IL1RAPL2: variants seen among roughly 807,000 people sequenced by gnomAD.
IL1RAPL2 encodes interleukin 1 receptor accessory protein like 2.
A neutral mutation model predicts 44.1 loss-of-function variants in IL1RAPL2; 3 were observed. That is an observed-to-expected ratio of 0.07 (90% CI 0.03 to 0.18). The LOEUF is 0.18. IL1RAPL2 is among the 10% of genes least tolerant of loss of function. The pLI, the probability that IL1RAPL2 is intolerant of heterozygous loss-of-function variation, is 1.00. For synonymous variants in IL1RAPL2, 181 were observed against 178.8 expected, an observed-to-expected ratio of 1.01 and a Z score of -0.10; for missense variants, 391 against 496.4, an observed-to-expected ratio of 0.79 and a Z score of 2.02.
chrX:104,872,390 A>G (rs1922789792), intron 2 of IL1RAPL2, among the ~76,000 whole-genome samples: 1 of 111,763 alleles, frequency 8.9e-6, no homozygotes, highest in African/African-American at 3.3e-5. Flanking sequence ...AAAACCCATG[A>G]ACATGTGCAC....
chrX:104,648,937 CCTT>C (rs747519716), intron 1 of IL1RAPL2, among the ~76,000 whole-genome samples: 3 of 111,303 alleles, frequency 2.7e-5, no homozygotes, highest in Non-Finnish European at 5.7e-5. Flanking sequence ...ACTTGCTTCT[CCTT>C]GCATTCTCTC....
At chrX:105,428,311 T>C (rs190808680) in intron 5 of IL1RAPL2, among the ~76,000 whole-genome samples, 15 of 111,953 alleles carry the variant, frequency 1.3e-4, no homozygotes, top group African/African-American at 4.5e-4. Context: ...TTTTTCTCTG[T>C]TGAAACTAAA....
At chrX:105,252,345 A>T (rs2034276858) in intron 4 of IL1RAPL2, among the ~76,000 whole-genome samples, 1 of 111,594 alleles carries the variant, frequency 9.0e-6, no homozygotes, top group Non-Finnish European at 1.9e-5. Flanking sequence ...GACCATTTGG[A>T]TTGTTGCCAT....
chrX:105,628,070 T>G (rs1056573138), intron 6 of IL1RAPL2, among the ~76,000 whole-genome samples: 1 of 111,745 alleles, frequency 8.9e-6, no homozygotes, highest in African/African-American at 3.2e-5. Context: ...ATTCTCCAGG[T>G]GCTAAGTGTG....
At chrX:104,661,667 A>C (rs1185307523) in intron 2 of IL1RAPL2, among the ~76,000 whole-genome samples, 4 of 110,274 alleles carry the variant, frequency 3.6e-5, no homozygotes, top group African/African-American at 1.3e-4. Context: ...TCATAGTGCT[A>C]TTTGAGTTAC....
chrX:105,171,929 G>A (rs1233784878), intron 2 of IL1RAPL2, among the ~76,000 whole-genome samples: 1 of 112,039 alleles, frequency 8.9e-6, no homozygotes, highest in Non-Finnish European at 1.9e-5. Context: ...CTTTCCAGAG[G>A]AGTCACGATG....
intron 5 of IL1RAPL2, among the ~76,000 whole-genome samples, chrX:105,288,020 G>A (rs1452325020): frequency 1.8e-5 from 2 of 111,330 alleles, no homozygotes; most frequent in African/African-American, 3.3e-5. Flanking sequence ...GAGTGCTATG[G>A]AAGCCCAGAG....
intron 2 of IL1RAPL2, among the ~76,000 whole-genome samples, chrX:105,115,086 G>A (rs868303916): frequency 1.8e-5 from 2 of 111,268 alleles, no homozygotes; most frequent in Admixed American, 1.9e-4. Flanking sequence ...GCAGACCCCC[G>A]CGGTGAGTGT....
chrX:105,115,312 G>A (rs1183533448), intron 2 of IL1RAPL2, among the ~76,000 whole-genome samples: 1 of 111,736 alleles, frequency 8.9e-6, no homozygotes, highest in Non-Finnish European at 1.9e-5. Flanking sequence ...AGATTCCACA[G>A]TGTGGACGGG....
intron 6 of IL1RAPL2, among the ~76,000 whole-genome samples, chrX:105,682,229 G>GA (rs763612115): frequency 2.7e-5 from 3 of 111,556 alleles, no homozygotes; most frequent in Admixed American, 9.5e-5. Context: ...CCTTTACAGA[G>GA]AAAAAATCTT....
chrX:104,658,554 T>C (rs1320946880), intron 1 of IL1RAPL2, among the ~76,000 whole-genome samples: 1 of 112,324 alleles, frequency 8.9e-6, no homozygotes, highest in Non-Finnish European at 1.9e-5. Context: ...ACATGGCACA[T>C]GTATACCTAT....
intron 6 of IL1RAPL2, among the ~76,000 whole-genome samples, chrX:105,616,139 A>T (rs2037375205): frequency 1.8e-5 from 2 of 112,134 alleles, no homozygotes; most frequent in African/African-American, 6.5e-5. Context: ...TAAGAAATAC[A>T]TACTAAAGTC....
At chrX:104,906,517 G>C (rs781554147) in intron 2 of IL1RAPL2, among the ~76,000 whole-genome samples, 64 of 111,515 alleles carry the variant, frequency 5.7e-4, no homozygotes, top group South Asian at 1.9e-3. Context: ...TAGCATGAAG[G>C]GTTGTTGAAT....
intron 6 of IL1RAPL2, among the ~76,000 whole-genome samples, chrX:105,681,095 C>T (rs958095987): frequency 3.6e-5 from 4 of 111,553 alleles, no homozygotes; most frequent in East Asian, 2.8e-4. Context: ...GTATGATACA[C>T]GACCTCTCTG....
At chrX:105,433,494 A>G (rs1485700633) in intron 5 of IL1RAPL2, among the ~76,000 whole-genome samples, 5 of 111,494 alleles carry the variant, frequency 4.5e-5, no homozygotes. Flanking sequence ...ATTTGGCTCC[A>G]TAACAATAAT....
chrX:104,632,816 T>A (rs12558118), intron 1 of IL1RAPL2, among the ~76,000 whole-genome samples: 37,774 of 107,158 alleles, frequency 0.35, 5,945 homozygotes, highest in East Asian at 0.61. Context: ...TCTTTTCCTA[T>A]TTGAATACCC....
intron 2 of IL1RAPL2, among the ~76,000 whole-genome samples, chrX:104,761,536 C>T (rs894082720): frequency 9.2e-6 from 1 of 108,629 alleles, no homozygotes; most frequent in Non-Finnish European, 1.9e-5. Context: ...TTTCAAAACA[C>T]AATCATGCCT....
intron 2 of IL1RAPL2, among the ~76,000 whole-genome samples, chrX:104,829,678 G>A (rs1362310474): frequency 8.9e-6 from 1 of 112,434 alleles, no homozygotes; most frequent in African/African-American, 3.2e-5. Context: ...CATAAGAACA[G>A]CATCATAACA....
rs760394999 is a variant in IL1RAPL2, at chrX:105,622,588, C to A, written c.773-94779C>A. Among the ~76,000 whole-genome samples, 3 of 111,130 alleles carry A rather than the reference C, an allele frequency of 2.7e-5. No homozygotes were observed. In the South Asian group the frequency reaches 1.1e-3, roughly 42 times the overall value. On this transcript the variant is annotated intron_variant, in intron 6 of 10. Transcript: ENST00000372582. ...CAGCTTCTCTCCCAATAAAGTTATC[C>A]TTTTAATAATATTCACAGCAGCCAT... is the stretch of plus-strand genomic sequence containing the variant.
Sources: allele counts gnomAD v4.1 joint callset (sites outside exome capture counted in the v4.1 genomes callset), GRCh38; gene constraint gnomAD v4.1.1; transcripts MANE v1.5; gene names NCBI Gene and HGNC (gene_info 2026-07-23, HGNC 2026-07-21).